Variants in CDH2 observed in about 807,000 individuals in gnomAD.
CDH2 encodes cadherin-2.
A neutral mutation model predicts 92.0 loss-of-function variants in CDH2; 17 were observed. The ratio of observed to expected loss-of-function variants is 0.18; its 90% confidence interval spans 0.13 to 0.28. The LOEUF is 0.28. Ranked by LOEUF, CDH2 falls within the 10% of genes least tolerant of loss-of-function variation. The pLI, the probability that CDH2 is intolerant of heterozygous loss-of-function variation, is 1.00. For synonymous variants in CDH2, 419 were observed against 415.9 expected (o/e 1.01, Z -0.09); for missense variants, 862 against 1,133.1 (o/e 0.76, Z 3.44).
At position 28,177,076 on chromosome 18, in the gene CDH2, G is replaced by GGCGGCGGCA; in HGVS notation, c.-55_-54insTGCCGCCGC. On this transcript the variant is annotated 5_prime_UTR_variant, in exon 1 of 16. Transcript: ENST00000269141. ...CGGAGGAGGCGGCGGCGGCGGCGGC[G>GGCGGCGGCA]GCGGCGGAGGAGGAGGAGGCAGCGG... is the stretch of plus-strand genomic sequence containing the variant. 7.3e-7 allele frequency: 1 copy of GGCGGCGGCA among 1,361,624 alleles called. No homozygotes were observed. Among genetic ancestry groups the GGCGGCGGCA allele is most frequent in the African/African-American group, 1.5e-5 (1 of 66,802 alleles). 84.3% of individuals were successfully genotyped at this position (1,361,624 alleles called of 1,614,324 possible).
intron 2 of CDH2, among the ~76,000 whole-genome samples, chr18:28,023,624 T>C (rs17522645): frequency 2.0e-4 from 30 of 152,156 alleles, no homozygotes; most frequent in African/African-American, 7.0e-4. Flanking sequence ...CTGGCCAATA[T>C]GAATATTTTA....
intron 2 of CDH2, among the ~76,000 whole-genome samples, chr18:28,139,442 T>A (rs896173202): frequency 6.6e-5 from 10 of 152,122 alleles, no homozygotes; most frequent in African/African-American, 2.4e-4. Context: ...TCAATCTGTA[T>A]CCAAACTGAG....
At chr18:27,987,278 T>C (rs2012266077) in intron 11 of CDH2, among the ~76,000 whole-genome samples, 1 of 152,194 alleles carries the variant, frequency 6.6e-6, no homozygotes, top group Non-Finnish European at 1.5e-5. Flanking sequence ...CAGGTACTAA[T>C]GACATGCTTT....
intron 2 of CDH2, among the ~76,000 whole-genome samples, chr18:28,043,475 T>TAA (rs1567976428): frequency 1.4e-4 from 11 of 77,446 alleles, no homozygotes; most frequent in African/African-American, 4.4e-4. Flanking sequence ...TATATATATA[T>TAA]ATATATATAT....
intron 2 of CDH2, among the ~76,000 whole-genome samples, chr18:28,031,381 C>G (rs8091763): frequency 0.17 from 25,419 of 151,964 alleles, 2,423 homozygotes; most frequent in South Asian, 0.3. Flanking sequence ...CAGTCATTAT[C>G]CAGCATAAGT....
intron 15 of CDH2, among the ~76,000 whole-genome samples, chr18:27,959,010 C>T (rs927188987): frequency 6.6e-6 from 1 of 152,048 alleles, no homozygotes; most frequent in African/African-American, 2.4e-5. Flanking sequence ...TCAGGCTTGG[C>T]AGTTTTTCAT....
chr18:28,089,638 T>C (rs542588263), intron 2 of CDH2, among the ~76,000 whole-genome samples: 3 of 152,352 alleles, frequency 2.0e-5, no homozygotes, highest in East Asian at 3.9e-4. Context: ...AGTCCAATAA[T>C]CTTTTCTAAA....
chr18:28,087,689 T>C (rs2014959126), intron 2 of CDH2, among the ~76,000 whole-genome samples: 1 of 152,146 alleles, frequency 6.6e-6, no homozygotes. Flanking sequence ...ATATCACTTG[T>C]CATCATGTTC....
At chr18:28,050,439 C>T (rs2014168120) in intron 2 of CDH2, among the ~76,000 whole-genome samples, 1 of 152,000 alleles carries the variant, frequency 6.6e-6, no homozygotes, top group African/African-American at 2.4e-5. Flanking sequence ...AGAGCAGTCA[C>T]TTTCTATTCA....
chr18:27,957,337 C>G (rs879874706), intron 15 of CDH2, among the ~76,000 whole-genome samples: 71 of 152,074 alleles, frequency 4.7e-4, no homozygotes, highest in Non-Finnish European at 9.7e-4. Context: ...CAGCCTTGAC[C>G]TTCCTGGGCT....
At chr18:28,085,885 G>A (rs560217632) in intron 2 of CDH2, among the ~76,000 whole-genome samples, 49 of 152,172 alleles carry the variant, frequency 3.2e-4, no homozygotes, top group Non-Finnish European at 6.0e-4. Context: ...TTAGTATTTA[G>A]GTCATGTGAA....
At chr18:28,041,050 G>C (rs1206756790) in intron 2 of CDH2, among the ~76,000 whole-genome samples, 1 of 152,154 alleles carries the variant, frequency 6.6e-6, no homozygotes, top group Non-Finnish European at 1.5e-5. Flanking sequence ...TCCTGGTATG[G>C]TTCTTCAAAA....
intron 14 of CDH2, among the ~76,000 whole-genome samples, chr18:27,981,364 T>C (rs1450734675): frequency 6.6e-6 from 1 of 152,210 alleles, no homozygotes; most frequent in African/African-American, 2.4e-5. Flanking sequence ...ATTTTAATAT[T>C]CAGAGACATT....
downstream of CDH2, among the ~76,000 whole-genome samples, chr18:27,948,380 C>G (rs1909328902): frequency 6.6e-6 from 1 of 151,790 alleles, no homozygotes; most frequent in South Asian, 2.1e-4. Flanking sequence ...CTGCATCACA[C>G]AAAATCATTT....
chr18:28,057,075 G>T (rs897925216), intron 2 of CDH2, among the ~76,000 whole-genome samples: 7 of 152,120 alleles, frequency 4.6e-5, no homozygotes, highest in African/African-American at 1.7e-4. Flanking sequence ...TTGAAGTCTT[G>T]TCATTCACAG....
intron 2 of CDH2, among the ~76,000 whole-genome samples, chr18:28,111,840 C>T (rs2015418276): frequency 6.6e-6 from 1 of 152,044 alleles, no homozygotes; most frequent in Non-Finnish European, 1.5e-5. Context: ...TGATTCTGTT[C>T]TGAACTGAAT....
At chr18:27,995,812 A>T (rs949746528) in intron 7 of CDH2, among the ~76,000 whole-genome samples, 1 of 152,214 alleles carries the variant, frequency 6.6e-6, no homozygotes, top group Non-Finnish European at 1.5e-5. Flanking sequence ...AAATAAAAAA[A>T]AAATTCCACT....
intron 2 of CDH2, among the ~76,000 whole-genome samples, chr18:28,106,319 A>C (rs1023034397): frequency 1.3e-5 from 2 of 152,130 alleles, no homozygotes; most frequent in Admixed American, 1.3e-4. Flanking sequence ...CAGGAGGCTG[A>C]GGCAGGAGAA....
chr18:28,104,383 T>C (rs1451275988), intron 2 of CDH2, among the ~76,000 whole-genome samples: 3 of 152,128 alleles, frequency 2.0e-5, no homozygotes, highest in Non-Finnish European at 4.4e-5. Flanking sequence ...ACTGTTGATA[T>C]CTTGAAATCA....
Sources: allele counts gnomAD v4.1 joint callset (sites outside exome capture counted in the v4.1 genomes callset), GRCh38; gene constraint gnomAD v4.1.1; transcripts MANE v1.5; gene names NCBI Gene and HGNC (gene_info 2026-07-23, HGNC 2026-07-21).